CSMD1: variants seen among roughly 807,000 people sequenced by gnomAD.
The protein encoded by CSMD1 is CUB and Sushi multiple domains 1, also known as CUB and sushi domain-containing protein 1.
CSMD1 carries 213 observed loss-of-function variants against 417.5 expected under a neutral mutation model. The observed-to-expected ratio is 0.51, with a 90% CI of 0.46 to 0.57. The LOEUF (loss-of-function observed/expected upper bound fraction) is 0.57. Among genes scored for constraint, CSMD1 ranks in the 20% least tolerant of loss-of-function variants. The pLI is 0.00. For synonymous variants in CSMD1, 2,862 were observed against 1,736.8 expected (o/e 1.65, Z -16.11); for missense variants, 6,923 against 4,529.7 (o/e 1.53, Z -15.17).
intron 36 of CSMD1, among the ~76,000 whole-genome samples, chr8:3,186,747 G>A (rs933895231): frequency 3.9e-5 from 6 of 152,302 alleles, no homozygotes; most frequent in East Asian, 1.9e-4. Context: ...AGACAAATGG[G>A]ATAGAAGGAG....
chr8:3,302,002 G>A (rs718118), intron 25 of CSMD1, among the ~76,000 whole-genome samples: 6,708 of 152,124 alleles, frequency 0.044, 489 homozygotes, highest in African/African-American at 0.15. Flanking sequence ...TCCATGAGCT[G>A]TACAGTCCTA....
At chr8:3,013,618 G>T (rs1282700762) in intron 52 of CSMD1, among the ~76,000 whole-genome samples, 1 of 152,028 alleles carries the variant, frequency 6.6e-6, no homozygotes, top group Non-Finnish European at 1.5e-5. Context: ...CAGGTGTGGT[G>T]GTGGGTGCCT....
chr8:3,352,496 A>T (rs1043042743), intron 21 of CSMD1, among the ~76,000 whole-genome samples: 5 of 152,134 alleles, frequency 3.3e-5, no homozygotes, highest in Non-Finnish European at 7.4e-5. Context: ...GAATTTATCT[A>T]ATTTTGTTTT....
At chr8:3,473,754 G>T (rs74304366) in intron 11 of CSMD1, among the ~76,000 whole-genome samples, 5,079 of 152,212 alleles carry the variant, frequency 0.033, 279 homozygotes, top group East Asian at 0.18. Context: ...CTGTATGGGT[G>T]TATCAGTCTA....
At chr8:3,745,856 C>T (rs1056881204) in intron 6 of CSMD1, among the ~76,000 whole-genome samples, 1 of 152,146 alleles carries the variant, frequency 6.6e-6, no homozygotes, top group Non-Finnish European at 1.5e-5. Flanking sequence ...CTGTGGTTTC[C>T]CCACATTATC....
intron 26 of CSMD1, among the ~76,000 whole-genome samples, chr8:3,252,919 C>T (rs1056672078): frequency 1.3e-5 from 2 of 152,086 alleles, no homozygotes; most frequent in African/African-American, 4.8e-5. Context: ...TTACCTTTAT[C>T]ATTTTTTATT....
At chr8:3,595,707 A>T (rs1307366672) in intron 8 of CSMD1, among the ~76,000 whole-genome samples, 5 of 152,168 alleles carry the variant, frequency 3.3e-5, no homozygotes, top group African/African-American at 4.8e-5. Flanking sequence ...TGTGTGAGGG[A>T]ATTTGATTTA....
At chr8:3,775,318 T>G (rs1183503532) in intron 5 of CSMD1, among the ~76,000 whole-genome samples, 1 of 152,166 alleles carries the variant, frequency 6.6e-6, no homozygotes, top group Non-Finnish European at 1.5e-5. Context: ...GGAGTGAAGT[T>G]ATGCAGGCAA....
At chr8:4,216,022 C>G (rs921716476) in intron 3 of CSMD1, among the ~76,000 whole-genome samples, 2 of 152,184 alleles carry the variant, frequency 1.3e-5, no homozygotes, top group African/African-American at 4.8e-5. Flanking sequence ...AGCCAGTCCT[C>G]TAACTTCCTG....
intron 7 of CSMD1, among the ~76,000 whole-genome samples, chr8:3,704,374 C>T (rs1030839226): frequency 6.6e-6 from 1 of 152,130 alleles, no homozygotes; most frequent in African/African-American, 2.4e-5. Flanking sequence ...TCCATAGGAA[C>T]TCACACAGGG....
chr8:4,058,189 T>C (rs1798796269), intron 3 of CSMD1, among the ~76,000 whole-genome samples: 1 of 152,158 alleles, frequency 6.6e-6, no homozygotes, highest in South Asian at 2.1e-4. Flanking sequence ...TTCCATTTCT[T>C]TGTATCCTCT....
At chr8:3,776,395 G>C (rs1036866721) in intron 5 of CSMD1, among the ~76,000 whole-genome samples, 1 of 152,170 alleles carries the variant, frequency 6.6e-6, no homozygotes, top group African/African-American at 2.4e-5. Flanking sequence ...CTAAAGAGGC[G>C]CTGCAAGGGC....
intron 2 of CSMD1, among the ~76,000 whole-genome samples, chr8:4,427,078 G>C (rs144071862): frequency 1.3e-5 from 2 of 152,080 alleles, no homozygotes; most frequent in Admixed American, 6.6e-5. Flanking sequence ...AGATCAAAGA[G>C]CACAGGTGGC....
intron 50 of CSMD1, among the ~76,000 whole-genome samples, chr8:3,046,790 T>C (rs1486850407): frequency 1.3e-5 from 2 of 152,246 alleles, no homozygotes; most frequent in Non-Finnish European, 2.9e-5. Context: ...TGCTCACATA[T>C]GGCAAATTCT....
chr8:2,943,117 G>A (rs780619972), intron 68 of CSMD1, among the ~76,000 whole-genome samples: 17 of 152,082 alleles, frequency 1.1e-4, no homozygotes, highest in Non-Finnish European at 2.1e-4. Flanking sequence ...GAAATTCACA[G>A]AAGAGTTTAG....
intron 15 of CSMD1, 59 bp downstream of exon 15, chr8:3,405,968 T>C: frequency 3.3e-6 from 5 of 1,520,160 alleles, no homozygotes; most frequent in Non-Finnish European, 4.5e-6. Context: ...TTTGTGTGTG[T>C]GCCTGAAGAT....
intron 46 of CSMD1, among the ~76,000 whole-genome samples, chr8:3,104,568 A>G (rs1214221438): frequency 1.3e-5 from 2 of 152,190 alleles, no homozygotes; most frequent in Non-Finnish European, 2.9e-5. Context: ...GTTATTATGG[A>G]TATCTGATAA....
chr8:3,501,741 G>A (rs1796609381), intron 10 of CSMD1, among the ~76,000 whole-genome samples: 1 of 152,176 alleles, frequency 6.6e-6, no homozygotes, highest in Non-Finnish European at 1.5e-5. Context: ...TAACACGGTT[G>A]CAAGAAGAAC....
At chr8:3,348,216 T>C in intron 21 of CSMD1, 55 bp from the exon 22 acceptor site, 1 of 1,428,100 alleles carries the variant, frequency 7.0e-7, no homozygotes, top group East Asian at 2.3e-5. Context: ...TTACTGTTTT[T>C]AACAGATTAA....
Sources: gnomAD v4.1 joint callset for allele counts (sites outside exome capture counted in the v4.1 genomes callset) on GRCh38, gnomAD v4.1.1 for gene constraint, MANE v1.5 for transcripts, NCBI Gene and HGNC (gene_info 2026-07-23, HGNC 2026-07-21) for gene names.